ACACA: variants seen among roughly 807,000 people sequenced by gnomAD.
ACACA encodes the protein acetyl-CoA carboxylase alpha.
Under a neutral mutation model 296.1 loss-of-function variants are expected in ACACA, and 103 were observed. That is an observed-to-expected ratio of 0.35 (90% CI 0.30 to 0.41). The LOEUF (loss-of-function observed/expected upper bound fraction) is 0.41, where lower values mean the gene tolerates loss of function less well. ACACA is among the 10% of genes least tolerant of loss of function. The pLI is 1.00. For synonymous variants in ACACA, 953 were observed against 1,038.6 expected (o/e 0.92, Z 1.58); for missense variants, 1,554 against 2,989.7 (o/e 0.52, Z 11.20).
intron 14 of ACACA, among the ~76,000 whole-genome samples, chr17:37,257,050 A>C (rs892201204): frequency 2.0e-5 from 3 of 152,180 alleles, no homozygotes; most frequent in African/African-American, 4.8e-5. Flanking sequence ...TAGGCAAGCA[A>C]AAGTGCTGTT....
chr17:37,260,142 A>G (rs1195325168), intron 11 of ACACA, among the ~76,000 whole-genome samples: 3 of 149,756 alleles, frequency 2.0e-5, no homozygotes, highest in Non-Finnish European at 4.4e-5. Flanking sequence ...TTGGCCTACC[A>G]AAGTGCTGGG....
At chr17:37,320,307 T>C (rs2047291523) in intron 3 of ACACA, among the ~76,000 whole-genome samples, 1 of 151,030 alleles carries the variant, frequency 6.6e-6, no homozygotes, top group Non-Finnish European at 1.5e-5. Flanking sequence ...AGGTCAGGAG[T>C]TCGAGACCAG....
At chr17:37,287,876 T>G (rs540404125) in intron 3 of ACACA, among the ~76,000 whole-genome samples, 2 of 152,380 alleles carry the variant, frequency 1.3e-5, no homozygotes, top group Non-Finnish European at 2.9e-5. Context: ...TAAAATGCTC[T>G]GTACCCTTCT....
intron 3 of ACACA, among the ~76,000 whole-genome samples, chr17:37,286,169 C>A (rs2082762421): frequency 6.6e-6 from 1 of 152,156 alleles, no homozygotes; most frequent in African/African-American, 2.4e-5. Flanking sequence ...TGATTACAGG[C>A]ATGAGCCACC....
intron 45 of ACACA, among the ~76,000 whole-genome samples, chr17:37,131,984 C>G (rs919934302): frequency 1.3e-5 from 2 of 152,182 alleles, no homozygotes; most frequent in Non-Finnish European, 2.9e-5. Context: ...TAATCTCAGC[C>G]CAGGCACTGC....
chr17:37,222,145 G>C (rs2079323650), intron 28 of ACACA: 3 of 411,142 alleles, frequency 7.3e-6, no homozygotes, highest in Non-Finnish European at 1.4e-5. Flanking sequence ...GCAAAAGACA[G>C]CATATAGAAC....
At position 37,192,124 on chromosome 17, in the gene ACACA, C is replaced by T; in HGVS notation, c.4382G>A (p.Arg1461His). 6.2e-7 allele frequency: 1 copy of T among 1,614,014 alleles called. No individual in the cohort carries two copies. The highest frequency in any genetic ancestry group is 1.1e-5 in the South Asian group (1 of 91,070). ...CAGATCAGAATGCCTGATGATTGCA[C>T]GAACAAAGAACCTGTAGTCTGTCAC... ...TEVTDYRFFV[R>H]AIIRHSDLVT... The change falls in exon 37 of 56, where the codon CGT becomes CAT. Residue 1461 changes from arginine to histidine, a missense_variant. Around this residue, in one of 16 missense-constraint regions of ACACA, gnomAD observed 35 missense variants for 131.8 expected, o/e 0.27. Transcript: ENST00000616317.
At chr17:37,131,739 G>A (rs748334551) in intron 45 of ACACA, among the ~76,000 whole-genome samples, 1 of 152,136 alleles carries the variant, frequency 6.6e-6, no homozygotes, top group Non-Finnish European at 1.5e-5. Context: ...TGACCCAATT[G>A]GCCTTGATTC....
At chr17:37,109,284 A>G (rs1366353059) in intron 52 of ACACA, among the ~76,000 whole-genome samples, 2 of 152,238 alleles carry the variant, frequency 1.3e-5, no homozygotes, top group Non-Finnish European at 2.9e-5. Flanking sequence ...CACAGAGAAT[A>G]CTGGATACCA....
At chr17:37,228,124 T>C (rs2079637568) in intron 25 of ACACA, among the ~76,000 whole-genome samples, 1 of 151,784 alleles carries the variant, frequency 6.6e-6, no homozygotes, top group Admixed American at 6.6e-5. Context: ...ACATGCTTTT[T>C]CCAAAACCCC....
chr17:37,353,417 G>A (rs747442979), intron 1 of ACACA, among the ~76,000 whole-genome samples: 1 of 151,960 alleles, frequency 6.6e-6, no homozygotes, highest in Non-Finnish European at 1.5e-5. Context: ...AAGGCTGGCG[G>A]ATCACTTGAG....
At chr17:37,198,890 T>C (rs901397218) in intron 35 of ACACA, among the ~76,000 whole-genome samples, 1 of 152,250 alleles carries the variant, frequency 6.6e-6, no homozygotes, top group African/African-American at 2.4e-5. Context: ...TCAAGTGCCA[T>C]CTTCATTGTT....
chr17:37,225,417 T>C (rs1040457476), intron 26 of ACACA: 2 of 314,008 alleles, frequency 6.4e-6, no homozygotes, highest in African/African-American at 4.3e-5. Flanking sequence ...AAGCTGCTGG[T>C]CCTAGGGACT....
intron 17 of ACACA, 25 bp downstream of exon 17, chr17:37,248,568 C>T (rs373042249): frequency 1.2e-5 from 18 of 1,541,358 alleles, no homozygotes; most frequent in Non-Finnish European, 1.6e-5. Flanking sequence ...AAGTAAGGTG[C>T]AAGCTCCAAT....
chr17:37,288,923 C>T (rs141601357), intron 3 of ACACA, among the ~76,000 whole-genome samples: 42 of 151,748 alleles, frequency 2.8e-4, no homozygotes, highest in Non-Finnish European at 5.0e-4. Flanking sequence ...AAAGGGTAAA[C>T]TTTACTGTAC....
At chr17:37,188,968 T>C (rs1170847235) in intron 38 of ACACA, among the ~76,000 whole-genome samples, 1 of 152,238 alleles carries the variant, frequency 6.6e-6, no homozygotes, top group Non-Finnish European at 1.5e-5. Context: ...AACTTTATAA[T>C]ATATGTCTCT....
chr17:37,260,297 T>TG (rs1491211370), intron 11 of ACACA, among the ~76,000 whole-genome samples: 1 of 7,730 alleles, frequency 1.3e-4, no homozygotes, highest in African/African-American at 5.7e-4. Context: ...TATATATATA[T>TG]TTTTTTTTTT....
chr17:37,332,836 G>C (rs1485173213), intron 2 of ACACA, among the ~76,000 whole-genome samples: 1 of 151,676 alleles, frequency 6.6e-6, no homozygotes, highest in Non-Finnish European at 1.5e-5. Context: ...CTTGAACCCG[G>C]GAGGCGGAGG....
At chr17:37,317,904 T>A (rs1311804454) in intron 3 of ACACA, among the ~76,000 whole-genome samples, 1 of 152,146 alleles carries the variant, frequency 6.6e-6, no homozygotes, top group Admixed American at 6.6e-5. Flanking sequence ...AGGAAACTAG[T>A]TCCCTCAGCA....
Sources: gnomAD v4.1 joint callset for allele counts (sites outside exome capture counted in the v4.1 genomes callset) on GRCh38, gnomAD v4.1.1 for gene constraint, gnomAD v4.1.1 regional missense constraint, MANE v1.5 for transcripts, NCBI Gene and HGNC (gene_info 2026-07-23, HGNC 2026-07-21) for gene names.